Variants in CALN1 observed in about 807,000 individuals in gnomAD.
CALN1 encodes the protein calcium-binding protein 8.
Under a neutral mutation model 30.6 loss-of-function variants are expected in CALN1, and 17 were observed. That is an observed-to-expected ratio of 0.56 (90% CI 0.38 to 0.83). The LOEUF is 0.83. Ranked by LOEUF, CALN1 falls within the 40% of genes least tolerant of loss-of-function variation. CALN1 has a pLI of 0.00. For missense variants in CALN1, 291 were observed against 354.9 expected, an observed-to-expected ratio of 0.82 and a Z score of 1.45; for synonymous variants, 156 against 131.4, an observed-to-expected ratio of 1.19 and a Z score of -1.28.
At chr7:72,103,910 C>T (rs184415508) in intron 4 of CALN1, among the ~76,000 whole-genome samples, 14 of 152,168 alleles carry the variant, frequency 9.2e-5, no homozygotes, top group African/African-American at 3.4e-4. Flanking sequence ...TTGGGATAGA[C>T]CATCCCAAAA....
At chr7:71,861,609 T>C (rs1431016856) in intron 5 of CALN1, among the ~76,000 whole-genome samples, 2 of 146,606 alleles carry the variant, frequency 1.4e-5, no homozygotes, top group African/African-American at 5.1e-5. Flanking sequence ...ACCCTGTGAC[T>C]ACGAAAAAAA....
intron 3 of CALN1, among the ~76,000 whole-genome samples, chr7:72,271,593 T>TATATATATATATATAGTTTCCTG (rs1225280287): frequency 8.7e-6 from 1 of 114,822 alleles, no homozygotes; most frequent in Admixed American, 8.7e-5. Context: ...TATATATATA[T>TATATATATATATATAGTTTCCTG]AGTTTTCAGC....
intron 2 of CALN1, among the ~76,000 whole-genome samples, chr7:72,370,013 T>C (rs985941040): frequency 3.3e-5 from 5 of 152,154 alleles, no homozygotes; most frequent in African/African-American, 9.7e-5. Flanking sequence ...ATACAAAAAA[T>C]GTATGTGTGT....
At position 72,316,983 on chromosome 7, in the gene CALN1, G is replaced by GA. The variant is rs145761580; in HGVS notation, c.120-38174dup. Among the ~76,000 whole-genome samples, 419 of 135,376 alleles carry GA rather than the reference G, an allele frequency of 3.1e-3. 1 individual carries two copies. Among genetic ancestry groups the GA allele is most frequent in the African/African-American group, 8.3e-3 (300 of 36,272 alleles). The allele number at this position is 135,376 out of a possible 152,430, so 88.8% of individuals were successfully genotyped here. A position where few individuals can be genotyped will look rare whatever the true frequency, so the allele number is the denominator to read the frequency against. On this transcript the variant is annotated intron_variant, in intron 2 of 6. Coordinates refer to ENST00000395275, the MANE Select transcript of CALN1 (RefSeq NM_031468.4). ...ACAAATAAACGAAAGGAAAGGAAAG[G>GA]AAAAAAAAAGGAAAGGAAAGGAAAG...
intron 4 of CALN1, among the ~76,000 whole-genome samples, chr7:72,035,612 A>G (rs769963637): frequency 1.6e-4 from 25 of 151,842 alleles, no homozygotes; most frequent in African/African-American, 3.6e-4. Context: ...CTTTTTGTGT[A>G]TATTTTATAT....
intron 5 of CALN1, among the ~76,000 whole-genome samples, chr7:71,972,182 T>C (rs1797882165): frequency 6.6e-6 from 1 of 152,120 alleles, no homozygotes. Flanking sequence ...TTTGCATCTC[T>C]CTCTGAAACC....
the CALN1 span, among the ~76,000 whole-genome samples, chr7:72,487,027 C>T: frequency 4.6e-5 from 7 of 152,092 alleles, no homozygotes; most frequent in African/African-American, 9.7e-5. Context: ...TTATAATCAT[C>T]GTCGATGTGG....
At chr7:72,067,268 GTC>G (rs1028322406) in intron 4 of CALN1, among the ~76,000 whole-genome samples, 2 of 152,032 alleles carry the variant, frequency 1.3e-5, no homozygotes, top group Non-Finnish European at 1.5e-5. Flanking sequence ...TAGACACAAG[GTC>G]TCTCTCTGTC....
intron 3 of CALN1, among the ~76,000 whole-genome samples, chr7:72,221,010 G>A (rs1793247380): frequency 6.6e-6 from 1 of 152,068 alleles, no homozygotes; most frequent in Non-Finnish European, 1.5e-5. Flanking sequence ...TCACTCTGAT[G>A]GTAGTTTCTT....
chr7:72,041,168 A>T (rs1402898916), intron 4 of CALN1, among the ~76,000 whole-genome samples: 3 of 152,156 alleles, frequency 2.0e-5, no homozygotes, highest in Non-Finnish European at 4.4e-5. Flanking sequence ...TGGGAACAAA[A>T]TAGTCTGAGA....
At chr7:72,270,923 T>C (rs1796930865) in intron 3 of CALN1, among the ~76,000 whole-genome samples, 1 of 152,192 alleles carries the variant, frequency 6.6e-6, no homozygotes, top group Non-Finnish European at 1.5e-5. Context: ...TGAATGCTGT[T>C]GTCTAGGAAG....
intron 3 of CALN1, among the ~76,000 whole-genome samples, chr7:72,203,979 C>CTATTTTT (rs59798860): frequency 0.012 from 1,021 of 83,778 alleles, 189 homozygotes; most frequent in East Asian, 0.047. Flanking sequence ...AGGCCTCTCT[C>CTATTTTT]TTTTTTTTTT....
At chr7:71,834,803 G>A (rs1789513361) in intron 5 of CALN1, among the ~76,000 whole-genome samples, 1 of 152,136 alleles carries the variant, frequency 6.6e-6, no homozygotes, top group Admixed American at 6.6e-5. Context: ...CATATATGGT[G>A]TATGGGAATG....
chr7:71,923,212 C>G (rs1216373425), intron 5 of CALN1, among the ~76,000 whole-genome samples: 1 of 152,104 alleles, frequency 6.6e-6, no homozygotes, highest in Non-Finnish European at 1.5e-5. Flanking sequence ...AGAAGGCACC[C>G]TTTATGCTCA....
chr7:72,445,587 G>A (rs948281208), intron 1 of CALN1, among the ~76,000 whole-genome samples: 4 of 152,094 alleles, frequency 2.6e-5, no homozygotes, highest in South Asian at 2.1e-4. Context: ...CAGATCCACC[G>A]ATGGGCATGG....
chr7:72,359,252 C>T (rs889654578), intron 2 of CALN1, among the ~76,000 whole-genome samples: 12 of 152,120 alleles, frequency 7.9e-5, no homozygotes, highest in Admixed American at 2.0e-4. Flanking sequence ...CCTCCCCGAC[C>T]GCGTTCTCAA....
intron 5 of CALN1, among the ~76,000 whole-genome samples, chr7:71,953,908 C>T (rs77429191): frequency 7.0e-4 from 106 of 152,086 alleles, no homozygotes; most frequent in Non-Finnish European, 1.2e-3. Flanking sequence ...GCTAGGCAGG[C>T]AAGGTGGGGT....
intron 3 of CALN1, among the ~76,000 whole-genome samples, chr7:72,240,450 C>T (rs1019356158): frequency 1.3e-5 from 2 of 152,166 alleles, no homozygotes; most frequent in African/African-American, 4.8e-5. Flanking sequence ...CAGCCTTGGC[C>T]TCCCAAAGCG....
rs1799802364 is a variant in CALN1, at chr7:72,006,930, C to T, written c.501+16727G>A. On this transcript the variant is annotated intron_variant, in intron 5 of 6. Transcript: ENST00000395275. Reference sequence around the variant, plus strand: ...CCCCTACACTCCTTCACACAGCAACCAATGATGTACTTTGCATACAGATTA... The same window carrying T: ...CCCCTACACTCCTTCACACAGCAACTAATGATGTACTTTGCATACAGATTA... Among the ~76,000 whole-genome samples, 7 of 152,096 alleles carry T rather than the reference C, an allele frequency of 4.6e-5. 1 individual carries two copies. In the South Asian group the frequency reaches 1.5e-3, roughly 32 times the overall value.
Sources: allele counts gnomAD v4.1 joint callset (sites outside exome capture counted in the v4.1 genomes callset), GRCh38; gene constraint gnomAD v4.1.1; transcripts MANE v1.5; gene names NCBI Gene and HGNC (gene_info 2026-07-23, HGNC 2026-07-21).